The following SS18L1 variants were observed in gnomAD, a reference collection of about 807,000 sequenced individuals.
The protein encoded by SS18L1 is SS18L1 subunit of BAF chromatin remodeling complex.
Under a neutral mutation model 70.3 loss-of-function variants are expected in SS18L1, and 32 were observed. That is an observed-to-expected ratio of 0.46 (90% CI 0.34 to 0.61). SS18L1 has a LOEUF of 0.61. Among genes scored for constraint, SS18L1 ranks in the 20% least tolerant of loss-of-function variants. The pLI is 0.01. For missense variants in SS18L1, 430 were observed against 542.1 expected, an observed-to-expected ratio of 0.79 and a Z score of 2.05; for synonymous variants, 237 against 229.7, an observed-to-expected ratio of 1.03 and a Z score of -0.29.
Position 62,143,812 on chromosome 20 carries a change from G to A in SS18L1, c.-9G>A, listed in dbSNP as rs1324230997. ...TCGATGACCACGGGCTGAGCCCCGC[G>A]CCGCCACCATGTCCGTGGCCTTCGC... On this transcript the variant is annotated 5_prime_UTR_variant, in exon 1 of 11. Transcript: ENST00000331758. The A allele has an allele frequency of 4.5e-6, 6 of 1,345,914 alleles. No individual in the cohort carries two copies. The highest frequency in any genetic ancestry group is 4.2e-5 in the East Asian group (1 of 23,674). The allele number at this position is 1,345,914 out of a possible 1,614,324, so 83.4% of individuals were successfully genotyped here. A position where few individuals can be genotyped will look rare whatever the true frequency, so the allele number is the denominator to read the frequency against.
In SS18L1 at chr20:62,161,802, C is replaced by T. The variant is rs2057335673; in HGVS notation, c.376+222C>T. 6.6e-6 allele frequency among the ~76,000 whole-genome samples: 1 copy of T among 152,270 alleles called. No individual in the cohort carries two copies. The highest frequency in any genetic ancestry group is 2.4e-5 in the African/African-American group (1 of 41,480). On this transcript the variant is annotated intron_variant, in intron 4 of 10. Transcript: ENST00000331758. The surrounding 1 kb of genome is among the most constrained non-coding windows in gnomAD (Gnocchi z 4.4). ...CCCCTGCTCCAGTTGTCCACTCTCT[C>T]TGACACTGTCACGTTCCATCAAATT...
intron 8 of SS18L1, among the ~76,000 whole-genome samples, chr20:62,169,980 C>A (rs2057501403): frequency 6.6e-6 from 1 of 152,172 alleles, no homozygotes; most frequent in African/African-American, 2.4e-5. Flanking sequence ...TGGGACTCAT[C>A]TTCCCTGGGC....
chr20:62,165,630 G>C, intron 8 of SS18L1, 116 bp downstream of exon 8: 2 of 956,120 alleles, frequency 2.1e-6, no homozygotes, highest in Non-Finnish European at 3.2e-6. Flanking sequence ...TTAAATCACA[G>C]CACAGCGCGT....
Position 62,165,363 on chromosome 20 carries a change from C to T in SS18L1, c.824-59C>T, listed in dbSNP as rs2057408159. The T allele has an allele frequency of 2.6e-6, 4 of 1,533,240 alleles. No individual in the cohort carries two copies. The East Asian group carries it at 7.1e-5, about 27-fold the overall frequency. The allele number at this position is 1,533,240 out of a possible 1,614,324, so 95.0% of individuals were successfully genotyped here. A position where few individuals can be genotyped will look rare whatever the true frequency, so the allele number is the denominator to read the frequency against. On this transcript the variant is annotated intron_variant, in intron 7 of 10. Coordinates refer to ENST00000331758, the MANE Select transcript of SS18L1 (RefSeq NM_198935.3). ...CCCCAGCCTGGGTCTCAGTTGCCTC[C>T]TCCGGGACCTGTGCAGTGCACAGCC...
rs2057584163 is a variant in SS18L1, at chr20:62,174,408, G to T, written c.1037-109G>T. ...GACAAAAGGCTGATGCATTGAGACG[G>T]GAATTTTTCAAGGAGAAGAGGAAGT... On this transcript the variant is annotated intron_variant, in intron 9 of 10. Coordinates refer to ENST00000331758, the MANE Select transcript of SS18L1 (RefSeq NM_198935.3). The surrounding 1 kb of genome is among the most constrained non-coding windows in gnomAD (Gnocchi z 4.1). The T allele has an allele frequency of 2.0e-6, 3 of 1,486,422 alleles. No individual in the cohort carries two copies. Among genetic ancestry groups the T allele is most frequent in the Non-Finnish European group, 2.7e-6 (3 of 1,120,212 alleles). 92.1% of individuals were successfully genotyped at this position (1,486,422 alleles called of 1,614,324 possible). A position where few individuals can be genotyped will look rare whatever the true frequency, so the allele number is the denominator to read the frequency against.
chr20:62,152,123 A>G (rs1421572313), intron 1 of SS18L1, among the ~76,000 whole-genome samples: 3 of 151,980 alleles, frequency 2.0e-5, no homozygotes, highest in African/African-American at 7.3e-5. Context: ...GCTCCTGCCC[A>G]GCCTCCAGCC....
chr20:62,143,837 C>G lies in SS18L1; in HGVS notation c.17C>G (p.Ala6Gly), dbSNP rs768975011. 1 of 1,333,388 alleles carries G rather than the reference C, an allele frequency of 7.5e-7. No individual in the cohort carries two copies. Among genetic ancestry groups the G allele is most frequent in the South Asian group, 1.4e-5 (1 of 72,468 alleles). 82.6% of individuals were successfully genotyped at this position (1,333,388 alleles called of 1,614,324 possible). A position where few individuals can be genotyped will look rare whatever the true frequency, so the allele number is the denominator to read the frequency against. The change falls in exon 1 of 11, where the codon GCG becomes GGG. Residue 6 changes from alanine to glycine, a missense_variant. Coordinates refer to ENST00000331758, the MANE Select transcript of SS18L1 (RefSeq NM_198935.3). Reference sequence around the variant, plus strand: ...GCCGCCACCATGTCCGTGGCCTTCGCGTCTGCCCGGCCAAGAGGCAAAGGG... The same window carrying G: ...GCCGCCACCATGTCCGTGGCCTTCGGGTCTGCCCGGCCAAGAGGCAAAGGG... Reference protein sequence around the residue: MSVAFASARPRGKGEV... With the variant: MSVAFGSARPRGKGEV...
intron 1 of SS18L1, among the ~76,000 whole-genome samples, chr20:62,156,145 C>T (rs891844491): frequency 4.6e-5 from 7 of 152,142 alleles, no homozygotes; most frequent in African/African-American, 1.7e-4. Flanking sequence ...CAGTGGCTTG[C>T]GCCCCCCGGC....
rs994006170 is a variant in SS18L1, at chr20:62,164,242, C to T, written c.819C>T (p.Pro273=). The T allele has an allele frequency of 5.0e-5, 77 of 1,547,166 alleles. No individual in the cohort carries two copies. The highest frequency in any genetic ancestry group is 8.2e-5 in the African/African-American group (6 of 72,984). Residue 273 remains proline, a synonymous_variant, in exon 7 of 11, where the codon CCC becomes CCT. Transcript: ENST00000331758. ...AAEPMGQQYY[P]DGHGDYAYQQ... is the part of the protein sequence containing the mutation. Reference sequence around the variant, plus strand: ...AGCCCATGGGCCAGCAGTACTACCCCGACGGTGAGCACTGGCGGCGGCCTG... The same window carrying T: ...AGCCCATGGGCCAGCAGTACTACCCTGACGGTGAGCACTGGCGGCGGCCTG...
chr20:62,158,852 G>T lies in SS18L1; in HGVS notation c.146+104G>T. On this transcript the variant is annotated intron_variant, in intron 2 of 10. Transcript: ENST00000331758. This position sits in a 1 kb window ranked among gnomAD's most constrained non-coding sequence, Gnocchi z 4.5. The stretch of plus-strand genomic sequence containing the variant: ...GTCCCCCAGCACAGAGATCAGATAA[G>T]TCCCAGGAGTCCCCAGCACGGAGGC... 1 of 1,609,998 alleles carries T rather than the reference G, an allele frequency of 6.2e-7. No homozygotes were observed. The highest frequency in any genetic ancestry group is 8.5e-7 in the Non-Finnish European group (1 of 1,178,436).
chr20:62,172,543 T>A, intron 8 of SS18L1, 139 bp from the exon 9 acceptor site: 1 of 1,256,168 alleles, frequency 8.0e-7, no homozygotes, highest in Non-Finnish European at 1.1e-6. Context: ...AGTATTTGAA[T>A]GGTTGTGAAA....
At chr20:62,175,132 C>T (rs897326545) in intron 10 of SS18L1, 18 of 805,466 alleles carry the variant, frequency 2.2e-5, no homozygotes, top group Admixed American at 6.2e-5. Flanking sequence ...AATTCCAGGA[C>T]GAAGACACAG....
At chr20:62,149,827 G>T (rs1350648337) in intron 1 of SS18L1, among the ~76,000 whole-genome samples, 1 of 152,230 alleles carries the variant, frequency 6.6e-6, no homozygotes, top group Non-Finnish European at 1.5e-5. Context: ...ACCATCGCAA[G>T]TCCAGGGTCA....
intron 8 of SS18L1, among the ~76,000 whole-genome samples, chr20:62,165,925 T>C (rs985031581): frequency 2.0e-5 from 3 of 152,232 alleles, no homozygotes; most frequent in Non-Finnish European, 2.9e-5. Context: ...AGGCCAGCAG[T>C]GGCTGCGCTG....
chr20:62,151,350 C>G (rs896836099), intron 1 of SS18L1, among the ~76,000 whole-genome samples: 1 of 152,198 alleles, frequency 6.6e-6, no homozygotes, highest in African/African-American at 2.4e-5. Flanking sequence ...CCCGTCAGTC[C>G]CCGCTTGCCA....
chr20:62,174,973 G>A lies in SS18L1; in HGVS notation c.1164+329G>A, dbSNP rs529511086. On this transcript the variant is annotated intron_variant, in intron 10 of 10. Transcript: ENST00000331758. The surrounding 1 kb of genome is among the most constrained non-coding windows in gnomAD (Gnocchi z 4.1). Reference sequence around the variant, plus strand: ...AGTGCTTGGTGTGTGGCCGCGACACGAACCCTGCACTTTTAGAGCTTATGT... The same window carrying A: ...AGTGCTTGGTGTGTGGCCGCGACACAAACCCTGCACTTTTAGAGCTTATGT... 8.7e-4 allele frequency: 806 copies of A among 921,506 alleles called. No individual in the cohort carries two copies. The highest frequency in any genetic ancestry group is 1.0e-3 in the Non-Finnish European group (785 of 771,790). 57.1% of individuals were successfully genotyped at this position (921,506 alleles called of 1,614,324 possible). A position where few individuals can be genotyped will look rare whatever the true frequency, so the allele number is the denominator to read the frequency against.
intron 1 of SS18L1, among the ~76,000 whole-genome samples, chr20:62,149,212 G>A (rs1276790470): frequency 6.6e-6 from 1 of 152,262 alleles, no homozygotes; most frequent in East Asian, 1.9e-4. Flanking sequence ...CAGTTAGCGG[G>A]CTGGCGCTGA....
chr20:62,171,337 A>G (rs941839485), intron 8 of SS18L1, among the ~76,000 whole-genome samples: 2 of 152,192 alleles, frequency 1.3e-5, no homozygotes, highest in South Asian at 2.1e-4. Flanking sequence ...GGGGCAGGAG[A>G]AAGGATAGTG....
At chr20:62,172,907 A>G in intron 9 of SS18L1, 106 bp downstream of exon 9, 4 of 1,556,552 alleles carry the variant, frequency 2.6e-6, no homozygotes, top group Non-Finnish European at 3.5e-6. Flanking sequence ...CCTGGGCAGC[A>G]GCAGGGCTAC....
Sources: gnomAD v4.1 joint callset for allele counts (sites outside exome capture counted in the v4.1 genomes callset) on GRCh38, gnomAD v4.1.1 for gene constraint, Gnocchi (gnomAD v3.1) non-coding constraint, MANE v1.5 for transcripts, NCBI Gene and HGNC (gene_info 2026-07-23, HGNC 2026-07-21) for gene names.